TMEM71: variants seen among roughly 807,000 people sequenced by gnomAD.
TMEM71 encodes transmembrane protein 71.
Under a neutral mutation model 38.0 loss-of-function variants are expected in TMEM71, and 44 were observed. That is an observed-to-expected ratio of 1.16 (90% CI 0.91 to 1.49). TMEM71 has a LOEUF of 1.49. TMEM71 is among the 40% of genes most tolerant of loss of function. The probability of loss-of-function intolerance (pLI) is 0.00; values close to 1 mark genes in which losing one functional copy is unlikely to be tolerated. For missense variants in TMEM71, 367 were observed against 348.6 expected (o/e 1.05, Z -0.42); for synonymous variants, 133 against 122.5 (o/e 1.09, Z -0.56).
the TMEM71 span, among the ~76,000 whole-genome samples, chr8:132,774,411 T>C: frequency 1.3e-5 from 2 of 152,250 alleles, no homozygotes; most frequent in Non-Finnish European, 2.9e-5. Flanking sequence ...TCTAGCTCAG[T>C]AGCTATTAGT....
downstream of TMEM71, among the ~76,000 whole-genome samples, chr8:132,707,000 A>G (rs1322165495): frequency 6.6e-6 from 1 of 152,222 alleles, no homozygotes; most frequent in East Asian, 1.9e-4. Flanking sequence ...TTGGCAAGAA[A>G]TACAGAAGAC....
chr8:132,733,790 T>A (rs543984647), intron 5 of TMEM71, among the ~76,000 whole-genome samples: 1 of 152,112 alleles, frequency 6.6e-6, no homozygotes, highest in Non-Finnish European at 1.5e-5. Context: ...GAAAATGTGG[T>A]ATATGCATCC....
intron 1 of TMEM71, 168 bp downstream of exon 1, chr8:132,760,308 G>A (rs1377152026): frequency 6.6e-6 from 1 of 152,200 alleles, no homozygotes; most frequent in Non-Finnish European, 1.5e-5. Flanking sequence ...CTTCCAAAGG[G>A]AGTTCCCAGC....
chr8:132,767,809 T>A, the TMEM71 span, among the ~76,000 whole-genome samples: 1 of 152,170 alleles, frequency 6.6e-6, no homozygotes, highest in Non-Finnish European at 1.5e-5. Context: ...CAGCTTGAGC[T>A]TATTGGACAA....
chr8:132,767,770 C>T, the TMEM71 span, among the ~76,000 whole-genome samples: 189 of 152,292 alleles, frequency 1.2e-3, no homozygotes, highest in East Asian at 4.8e-3. Flanking sequence ...CCACCGCGCC[C>T]GGCCTAGCTC....
intron 7 of TMEM71, among the ~76,000 whole-genome samples, chr8:132,718,432 C>G (rs1004327861): frequency 7.3e-6 from 1 of 137,464 alleles, no homozygotes; most frequent in African/African-American, 2.8e-5. Context: ...GAGTCTCGCT[C>G]TGTTGCCCAG....
intron 5 of TMEM71, among the ~76,000 whole-genome samples, chr8:132,743,696 A>G (rs568600739): frequency 6.6e-5 from 10 of 152,292 alleles, no homozygotes; most frequent in Admixed American, 3.3e-4. Context: ...TATGACTCCC[A>G]GATGTATAAC....
intron 6 of TMEM71, among the ~76,000 whole-genome samples, chr8:132,723,284 T>A (rs1826952829): frequency 6.6e-6 from 1 of 152,198 alleles, no homozygotes; most frequent in South Asian, 2.1e-4. Context: ...CTCCCCTGAT[T>A]TCATGTGGAA....
the TMEM71 span, chr8:132,775,238 T>A: frequency 3.2e-6 from 1 of 315,168 alleles, no homozygotes; most frequent in East Asian, 5.0e-5. Context: ...CCGCTAGCGG[T>A]CCGTCAACGA....
chr8:132,734,615 T>C (rs1345193873), intron 5 of TMEM71, among the ~76,000 whole-genome samples: 1 of 152,202 alleles, frequency 6.6e-6, no homozygotes, highest in African/African-American at 2.4e-5. Flanking sequence ...GAAAATATGG[T>C]ATTCAACAGA....
chr8:132,766,136 C>T, the TMEM71 span, among the ~76,000 whole-genome samples: 1 of 152,114 alleles, frequency 6.6e-6, no homozygotes, highest in African/African-American at 2.4e-5. Context: ...TAGCTTTGCT[C>T]CTTGTGCCAT....
intron 1 of TMEM71, chr8:132,760,270 C>CTGAAAAA (rs887670143): frequency 6.6e-6 from 1 of 152,122 alleles, no homozygotes; most frequent in African/African-American, 2.4e-5. Context: ...CACATCTATT[C>CTGAAAAA]TGAAAAATAA....
At chr8:132,773,810 T>G in the TMEM71 span, among the ~76,000 whole-genome samples, 53,090 of 152,002 alleles carry the variant, frequency 0.35, 9,979 homozygotes, top group Non-Finnish European at 0.43. Context: ...TAGTGGGAGG[T>G]TGATTCTGCA....
intron 2 of TMEM71, chr8:132,758,389 T>C (rs548776689): frequency 1.9e-4 from 32 of 165,122 alleles, no homozygotes; most frequent in Middle Eastern, 2.9e-3. Context: ...GGTTGATTTG[T>C]AGGGAGAAAA....
intron 5 of TMEM71, among the ~76,000 whole-genome samples, chr8:132,746,183 G>T (rs1442414208): frequency 6.7e-6 from 1 of 150,322 alleles, no homozygotes; most frequent in African/African-American, 2.5e-5. Flanking sequence ...AGTTGAAAAA[G>T]AAAAATAAAT....
intron 5 of TMEM71, among the ~76,000 whole-genome samples, chr8:132,745,106 A>G (rs1327687911): frequency 1.3e-5 from 2 of 152,250 alleles, no homozygotes; most frequent in Admixed American, 6.5e-5. Flanking sequence ...CATTCTGGAC[A>G]TCAGCCTTGG....
At chr8:132,747,173 G>A (rs1828438371) in intron 4 of TMEM71, 59 bp from the exon 5 acceptor site, 7 of 1,370,314 alleles carry the variant, frequency 5.1e-6, no homozygotes, top group Middle Eastern at 2.1e-4. Context: ...GTTCAAAACT[G>A]TGATTTGAAG....
At chr8:132,715,052 G>A (rs1317868652) in intron 7 of TMEM71, among the ~76,000 whole-genome samples, 1 of 152,102 alleles carries the variant, frequency 6.6e-6, no homozygotes, top group Non-Finnish European at 1.5e-5. Flanking sequence ...CCAAACAACT[G>A]GCAATACAAA....
intron 4 of TMEM71, among the ~76,000 whole-genome samples, chr8:132,750,977 CTG>C (rs1426719690): frequency 2.6e-5 from 4 of 152,166 alleles, no homozygotes; most frequent in African/African-American, 9.7e-5. Context: ...TGCTTTTAAT[CTG>C]TGGATACCTT....
Sources: allele counts gnomAD v4.1 joint callset (sites outside exome capture counted in the v4.1 genomes callset), GRCh38; gene constraint gnomAD v4.1.1; transcripts MANE v1.5; gene names NCBI Gene and HGNC (gene_info 2026-07-23, HGNC 2026-07-21).